RELN: variants seen among roughly 807,000 people sequenced by gnomAD.
RELN encodes the protein reelin.
RELN carries 108 observed loss-of-function variants against 427.6 expected under a neutral mutation model. That is an observed-to-expected ratio of 0.25 (90% CI 0.22 to 0.30). The LOEUF is 0.30. Ranked by LOEUF, RELN falls within the 10% of genes least tolerant of loss-of-function variation. RELN has a pLI of 1.00. For missense variants in RELN, 3,715 were observed against 4,302.8 expected (o/e 0.86, Z 3.82); for synonymous variants, 1,524 against 1,513.4 (o/e 1.01, Z -0.16).
chr7:103,906,806 G>T (rs548601094), intron 2 of RELN, among the ~76,000 whole-genome samples: 1 of 152,156 alleles, frequency 6.6e-6, no homozygotes, highest in African/African-American at 2.4e-5. Flanking sequence ...GAGGGCAGAG[G>T]AGAAATATGT....
At chr7:103,512,621 C>T (rs1048188609) in intron 50 of RELN, 1 of 152,190 alleles carries the variant, frequency 6.6e-6, no homozygotes, top group Non-Finnish European at 1.5e-5. Flanking sequence ...CTCTCTTTCT[C>T]TCTTAACCCC....
chr7:103,892,129 A>T (rs1042336721), intron 2 of RELN, among the ~76,000 whole-genome samples: 7 of 152,220 alleles, frequency 4.6e-5, no homozygotes, highest in African/African-American at 1.4e-4. Flanking sequence ...ACTCTGAGCC[A>T]AGACAGTTAA....
chr7:103,848,232 A>AT (rs1392199989), intron 2 of RELN, among the ~76,000 whole-genome samples: 3 of 152,198 alleles, frequency 2.0e-5, no homozygotes, highest in African/African-American at 4.8e-5. Flanking sequence ...TTAAATGGAA[A>AT]TTTTGTTTGA....
intron 16 of RELN, among the ~76,000 whole-genome samples, chr7:103,642,262 A>C (rs953685800): frequency 7.9e-5 from 12 of 152,062 alleles, no homozygotes; most frequent in African/African-American, 2.9e-4. Flanking sequence ...TATACCTAAC[A>C]GAATTATGAT....
At position 103,681,536 on chromosome 7, in the gene RELN, A is replaced by C. The variant is rs564970874; in HGVS notation, c.1289+580T>G. Among the ~76,000 whole-genome samples the C allele has an allele frequency of 1.1e-4, 16 of 152,064 alleles. 1 individual carries two copies. In the South Asian group the frequency reaches 3.1e-3, roughly 30 times the overall value. ...CTGAAAGTGCTGCCCAATTAGTAGG[A>C]TATATCTTAGGGACTTAAGACCCAG... On this transcript the variant is annotated intron_variant, in intron 11 of 64. Transcript: ENST00000428762.
chr7:103,985,072 T>C (rs1797068822), intron 1 of RELN, among the ~76,000 whole-genome samples: 1 of 152,204 alleles, frequency 6.6e-6, no homozygotes, highest in African/African-American at 2.4e-5. Context: ...CAATACTCTA[T>C]CCTGATTATA....
At position 103,989,165 on chromosome 7, in the gene RELN, G is replaced by A. The variant is rs1797168236; in HGVS notation, c.192C>T (p.Asn64=). 1.9e-6 allele frequency: 3 copies of A among 1,613,958 alleles called. No individual in the cohort carries two copies. Among genetic ancestry groups the A allele is most frequent in the Non-Finnish European group, 1.7e-6 (2 of 1,180,002 alleles). Residue 64 remains asparagine, a synonymous_variant, in exon 1 of 65, where the codon AAC becomes AAT. Coordinates refer to ENST00000428762, the MANE Select transcript of RELN (RefSeq NM_005045.4). The surrounding 1 kb of genome is among the most constrained non-coding windows in gnomAD (Gnocchi z 4.9). ...CTTGTCCCGGAACGTAGTAGGTGGG[G>A]TTGCCCGCAATATGCAGGGAAATGA... is the stretch of plus-strand genomic sequence containing the variant. ...EVLISLHIAG[N]PTYYVPGQEY...
At chr7:103,941,892 A>T (rs1413502695) in intron 1 of RELN, among the ~76,000 whole-genome samples, 1 of 151,986 alleles carries the variant, frequency 6.6e-6, no homozygotes, top group Non-Finnish European at 1.5e-5. Context: ...AGGCATCAGT[A>T]TCTCTTTAAA....
At chr7:103,778,602 C>A (rs1791806136) in intron 3 of RELN, among the ~76,000 whole-genome samples, 1 of 152,162 alleles carries the variant, frequency 6.6e-6, no homozygotes. Flanking sequence ...TCAGATATAC[C>A]AACATCTGCT....
chr7:103,730,543 T>C (rs1039664340), intron 6 of RELN, among the ~76,000 whole-genome samples: 4 of 152,014 alleles, frequency 2.6e-5, no homozygotes, highest in South Asian at 2.1e-4. Flanking sequence ...ATTCTTCCCA[T>C]TGAACTCAAC....
At chr7:103,488,599 C>T (rs995757736) in intron 60 of RELN, among the ~76,000 whole-genome samples, 7 of 152,148 alleles carry the variant, frequency 4.6e-5, no homozygotes, top group South Asian at 2.1e-4. Context: ...TAAATAGATC[C>T]GACTCCAGAA....
In RELN at chr7:103,526,581, G is replaced by T. The variant is rs553198874; in HGVS notation, c.7350-3050C>A. On this transcript the variant is annotated intron_variant, in intron 46 of 64. Coordinates refer to ENST00000428762, the MANE Select transcript of RELN (RefSeq NM_005045.4). Reference sequence around the variant, plus strand: ...TACACATACTATCCAATATTAATTTGTAAGAAGAGGAAACATTTTCACTAA... The same window carrying T: ...TACACATACTATCCAATATTAATTTTTAAGAAGAGGAAACATTTTCACTAA... Among the ~76,000 whole-genome samples, 273 of 152,192 alleles carry T rather than the reference G, an allele frequency of 1.8e-3. 1 individual carries two copies. Among genetic ancestry groups the T allele is most frequent in the Middle Eastern group, 0.01 (3 of 292 alleles).
chr7:103,519,523 A>C lies in RELN; in HGVS notation c.7669-7T>G, dbSNP rs1562868146. 1.3e-6 allele frequency: 2 copies of C among 1,591,546 alleles called. No individual in the cohort carries two copies. Among genetic ancestry groups the C allele is most frequent in the East Asian group, 4.5e-5 (2 of 44,796 alleles). On this transcript the variant is annotated splice_polypyrimidine_tract_variant and splice_region_variant and intron_variant, in intron 48 of 64. Coordinates refer to ENST00000428762, the MANE Select transcript of RELN (RefSeq NM_005045.4). The stretch of plus-strand genomic sequence containing the variant: ...CTAATAATCGACTACAACCCTAAGA[A>C]AAAGAAGTAAAATAAAAAAAAGTGA...
chr7:103,575,398 C>T (rs2117207801), intron 29 of RELN, 150 bp downstream of exon 29: 1 of 840,876 alleles, frequency 1.2e-6, no homozygotes, highest in African/African-American at 1.7e-5. Context: ...ATCCTAGCAC[C>T]TCATGTGCCT....
intron 3 of RELN, among the ~76,000 whole-genome samples, chr7:103,807,289 C>A (rs990091144): frequency 2.6e-5 from 4 of 152,108 alleles, no homozygotes; most frequent in African/African-American, 4.8e-5. Context: ...AGATAAGTTG[C>A]AACTAACCTA....
chr7:103,628,484 G>T (rs1832378708), intron 20 of RELN: 1 of 152,212 alleles, frequency 6.6e-6, no homozygotes, highest in African/African-American at 2.4e-5. Context: ...GTTTGACAGT[G>T]CTTGCAGCAA....
chr7:103,765,024 CT>C (rs1457676578), intron 4 of RELN, among the ~76,000 whole-genome samples: 1 of 151,654 alleles, frequency 6.6e-6, no homozygotes, highest in Non-Finnish European at 1.5e-5. Context: ...CCAGGGAGTG[CT>C]GGCGGTAGAG....
intron 4 of RELN, among the ~76,000 whole-genome samples, chr7:103,772,427 T>C (rs1791592598): frequency 6.6e-6 from 1 of 152,056 alleles, no homozygotes; most frequent in African/African-American, 2.4e-5. Context: ...TTTCAGAGGG[T>C]TGCTGTGAAG....
At chr7:103,741,307 C>T (rs997206001) in intron 6 of RELN, among the ~76,000 whole-genome samples, 2 of 152,102 alleles carry the variant, frequency 1.3e-5, no homozygotes, top group African/African-American at 4.8e-5. Context: ...AGACATCTAA[C>T]ACCTTATTTT....
Sources: allele counts gnomAD v4.1 joint callset (sites outside exome capture counted in the v4.1 genomes callset), GRCh38; gene constraint gnomAD v4.1.1; non-coding constraint Gnocchi (gnomAD v3.1); transcripts MANE v1.5; gene names NCBI Gene and HGNC (gene_info 2026-07-23, HGNC 2026-07-21).